The following ACYP2 variants were observed in gnomAD, a reference collection of about 807,000 sequenced individuals.
ACYP2 encodes the protein acylphosphatase-2.
A neutral mutation model predicts 11.2 loss-of-function variants in ACYP2; 12 were observed. That is an observed-to-expected ratio of 1.08 (90% CI 0.69 to 1.74). ACYP2 has a LOEUF of 1.74. ACYP2 is among the 40% of genes most tolerant of loss of function. The pLI is 0.00. For synonymous variants in ACYP2, 43 were observed against 32.2 expected (o/e 1.33, Z -1.13); for missense variants, 134 against 101.9 (o/e 1.31, Z -1.35).
chr2:54,255,621 G>A, intron 6 of ACYP2: 1 of 1,613,562 alleles, frequency 6.2e-7, no homozygotes, highest in Non-Finnish European at 8.5e-7. Flanking sequence ...CTATTGCTCT[G>A]TTTTCTTCCG....
Position 54,130,082 on chromosome 2 carries a change from A to T in ACYP2, c.278-5371A>T, listed in dbSNP as rs140728096. On this transcript the variant is annotated intron_variant, in intron 4 of 6. Transcript: ENST00000607452. ...AGTGGTAAGTAAACAAGACAGAAAA[A>T]TTCCTGTTCTTATGGAACTGACAAT... is the stretch of plus-strand genomic sequence containing the variant. Among the ~76,000 whole-genome samples the T allele has an allele frequency of 1.2e-3, 176 of 152,248 alleles. 1 individual carries two copies. Among genetic ancestry groups the T allele is most frequent in the African/African-American group, 4.1e-3 (171 of 41,532 alleles).
chr2:54,282,948 C>T (rs1688910943), intron 6 of ACYP2, among the ~76,000 whole-genome samples: 1 of 152,078 alleles, frequency 6.6e-6, no homozygotes, highest in Non-Finnish European at 1.5e-5. Context: ...CCTGTATATC[C>T]TGTTTGAAGT....
chr2:54,255,820 A>C, intron 6 of ACYP2: 1 of 1,613,824 alleles, frequency 6.2e-7, no homozygotes, highest in Non-Finnish European at 8.5e-7. Flanking sequence ...GCCATTTTTG[A>C]GGCTGCCGTC....
At chr2:54,146,156 T>G (rs1364393283) in intron 6 of ACYP2, among the ~76,000 whole-genome samples, 6 of 152,180 alleles carry the variant, frequency 3.9e-5, no homozygotes, top group African/African-American at 1.4e-4. Flanking sequence ...AATCTCACAC[T>G]AAGAATTTTG....
chr2:54,112,637 G>A (rs1679518730), intron 4 of ACYP2, among the ~76,000 whole-genome samples: 1 of 152,166 alleles, frequency 6.6e-6, no homozygotes, highest in Non-Finnish European at 1.5e-5. Context: ...CACCTAATGT[G>A]ATTTATTAAA....
chr2:54,271,355 C>G (rs1299394832), intron 6 of ACYP2, among the ~76,000 whole-genome samples: 1 of 152,112 alleles, frequency 6.6e-6, no homozygotes, highest in Non-Finnish European at 1.5e-5. Flanking sequence ...CCAATTGCGC[C>G]CATAGATAAC....
At chr2:54,024,757 G>C (rs1192471283) in intron 2 of ACYP2, among the ~76,000 whole-genome samples, 1 of 152,126 alleles carries the variant, frequency 6.6e-6, no homozygotes, top group Non-Finnish European at 1.5e-5. Flanking sequence ...ACAAGAGAAA[G>C]AAATCAAGGG....
At chr2:54,030,465 C>G (rs1674523991) in intron 2 of ACYP2, 2 of 159,962 alleles carry the variant, frequency 1.3e-5, no homozygotes, top group South Asian at 3.7e-4. Flanking sequence ...ACTATTTGCT[C>G]AATGTTAAGG....
intron 4 of ACYP2, among the ~76,000 whole-genome samples, chr2:54,078,568 A>G (rs1677473070): frequency 6.7e-6 from 1 of 150,184 alleles, no homozygotes; most frequent in Admixed American, 6.7e-5. Context: ...TAAACATTTT[A>G]TTATTTTAAT....
In ACYP2 at chr2:54,255,804, C is replaced by T. The variant is rs544734880; in HGVS notation, c.405-48884C>T. On this transcript the variant is annotated intron_variant, in intron 6 of 6. Coordinates refer to ENST00000607452, the MANE Select transcript of ACYP2 (RefSeq NM_001320586.2). Reference sequence around the variant, plus strand: ...CACCTAGGCCGTGCGTCTCTTCACCCGGAAAGCCATTTTTGAGGCTGCCGT... The same window carrying T: ...CACCTAGGCCGTGCGTCTCTTCACCTGGAAAGCCATTTTTGAGGCTGCCGT... The T allele has an allele frequency of 1.4e-4, 221 of 1,613,844 alleles. 2 individuals carry two copies. The East Asian group carries it at 4.7e-3, about 35-fold the overall frequency.
At chr2:53,973,304 A>G (rs1361678971) in intron 1 of ACYP2, among the ~76,000 whole-genome samples, 1 of 152,210 alleles carries the variant, frequency 6.6e-6, no homozygotes, top group Non-Finnish European at 1.5e-5. Flanking sequence ...ACCTTTTAAA[A>G]AATAATGGGG....
chr2:54,303,981 C>T (rs1689822407), intron 6 of ACYP2, among the ~76,000 whole-genome samples: 2 of 152,074 alleles, frequency 1.3e-5, no homozygotes, highest in African/African-American at 4.8e-5. Context: ...GGTAAGTGAC[C>T]TAATGCATAA....
At chr2:54,201,944 G>A (rs1415326230) in intron 6 of ACYP2, among the ~76,000 whole-genome samples, 1 of 152,006 alleles carries the variant, frequency 6.6e-6, no homozygotes, top group East Asian at 1.9e-4. Flanking sequence ...CTGACCTGAG[G>A]TGATCCGCTT....
At chr2:54,017,314 G>A (rs577331586) in intron 2 of ACYP2, among the ~76,000 whole-genome samples, 2 of 141,036 alleles carry the variant, frequency 1.4e-5, no homozygotes, top group Admixed American at 1.4e-4. Flanking sequence ...TCTGTGCAGT[G>A]GCACCATCTC....
At chr2:54,113,668 T>C (rs977815136) in intron 4 of ACYP2, among the ~76,000 whole-genome samples, 2 of 152,138 alleles carry the variant, frequency 1.3e-5, no homozygotes, top group Non-Finnish European at 2.9e-5. Flanking sequence ...TAAAATCTGG[T>C]AACCACTCGC....
chr2:54,248,779 A>T (rs1167442658), intron 6 of ACYP2, among the ~76,000 whole-genome samples: 1 of 152,186 alleles, frequency 6.6e-6, no homozygotes. Flanking sequence ...TAAACTACGA[A>T]CATCTGTAAA....
At chr2:54,114,657 C>T (rs1182050903) in intron 4 of ACYP2, among the ~76,000 whole-genome samples, 2 of 152,158 alleles carry the variant, frequency 1.3e-5, no homozygotes, top group African/African-American at 4.8e-5. Context: ...GCACTCCAGT[C>T]TGGGAGACAA....
chr2:53,998,395 A>G (rs779411180), intron 2 of ACYP2, among the ~76,000 whole-genome samples: 3 of 152,194 alleles, frequency 2.0e-5, no homozygotes, highest in Non-Finnish European at 4.4e-5. Context: ...GATGGGAGAT[A>G]CTTGAGCATA....
chr2:54,113,403 C>T (rs1572780539), intron 4 of ACYP2, among the ~76,000 whole-genome samples: 1 of 152,134 alleles, frequency 6.6e-6, no homozygotes, highest in Admixed American at 6.5e-5. Context: ...CCACCACAGC[C>T]AGGTAATTTT....
Sources: gnomAD v4.1 joint callset for allele counts (sites outside exome capture counted in the v4.1 genomes callset) on GRCh38, gnomAD v4.1.1 for gene constraint, MANE v1.5 for transcripts, NCBI Gene and HGNC (gene_info 2026-07-23, HGNC 2026-07-21) for gene names.